Variants in GRAMD1B observed in about 807,000 individuals in gnomAD.
GRAMD1B encodes GRAM domain containing 1B, also known as protein Aster-B.
A neutral mutation model predicts 99.7 loss-of-function variants in GRAMD1B; 37 were observed. That is an observed-to-expected ratio of 0.37 (90% CI 0.29 to 0.49). The LOEUF (loss-of-function observed/expected upper bound fraction) is 0.49. Ranked by LOEUF, GRAMD1B falls within the 20% of genes least tolerant of loss-of-function variation. GRAMD1B has a pLI of 0.98. For synonymous variants in GRAMD1B, 427 were observed against 387.6 expected, an observed-to-expected ratio of 1.10 and a Z score of -1.19; for missense variants, 888 against 1,009.2, an observed-to-expected ratio of 0.88 and a Z score of 1.63.
At chr11:123,427,999 A>C (rs1948712380), upstream of GRAMD1B, among the ~76,000 whole-genome samples, 1 of 152,106 alleles carries the variant, frequency 6.6e-6, no homozygotes, top group Non-Finnish European at 1.5e-5. Flanking sequence ...AACAAACTTA[A>C]AGCTTCCTCC....
rs35731848 is a variant in GRAMD1B at position 123,439,118 on chromosome 11, A to C, written c.374+7952A>C. 4.2e-3 allele frequency among the ~76,000 whole-genome samples: 646 copies of C among 152,104 alleles called. 7 individuals carry two copies. The highest frequency in any genetic ancestry group is 5.1e-3 in the Non-Finnish European group (347 of 67,982). Reference sequence around the variant, plus strand: ...GGTGTGAGGAGGGACATAGCTTCTTATTGTCTTGGGGGGTGGGAATCTATG... The same window carrying C: ...GGTGTGAGGAGGGACATAGCTTCTTCTTGTCTTGGGGGGTGGGAATCTATG... On this transcript the variant is annotated intron_variant, in intron 1 of 19. Transcript: ENST00000635736.
rs149902334 is a variant in GRAMD1B, at chr11:123,595,086, T to C, written c.873+248T>C. ...ACTGGGAACATTTGCTTTTGTCAAA[T>C]GCAGGCAAATATTTGGCATGAGTGA... is the stretch of plus-strand genomic sequence containing the variant. On this transcript the variant is annotated intron_variant, in intron 6 of 19. Transcript: ENST00000635736. Among the ~76,000 whole-genome samples, 628 of 152,040 alleles carry C rather than the reference T, an allele frequency of 4.1e-3. 4 individuals are homozygous for C. Among genetic ancestry groups the C allele is most frequent in the South Asian group, 0.014 (68 of 4,796 alleles).
intron 11 of GRAMD1B, among the ~76,000 whole-genome samples, chr11:123,607,364 C>T (rs1390242941): frequency 1.3e-5 from 2 of 152,198 alleles, no homozygotes; most frequent in Admixed American, 1.3e-4. Context: ...CTGCTGCTTA[C>T]CTTCCATGGA....
intron 3 of GRAMD1B, among the ~76,000 whole-genome samples, chr11:123,581,433 T>C (rs1325770454): frequency 6.6e-6 from 1 of 152,200 alleles, no homozygotes; most frequent in Non-Finnish European, 1.5e-5. Flanking sequence ...CCTGCCCCTG[T>C]GGGTCTGGGT....
intron 2 of GRAMD1B, chr11:123,525,953 A>G (rs1363215639): frequency 6.8e-6 from 4 of 588,984 alleles, no homozygotes; most frequent in South Asian, 2.2e-5. Context: ...CAGCTGGGAG[A>G]GGGGGAAGAA....
At chr11:123,396,226 C>G (rs1329342347) in intron 1 of GRAMD1B, among the ~76,000 whole-genome samples, 1 of 141,700 alleles carries the variant, frequency 7.1e-6, no homozygotes, top group Non-Finnish European at 1.6e-5. Context: ...TGGAAAAGTC[C>G]TCTTGCTGCT....
At position 123,492,041 on chromosome 11, in the gene GRAMD1B, C is replaced by A; in HGVS notation, c.452+11148C>A. 2.5e-6 allele frequency: 1 copy of A among 397,300 alleles called. No individual in the cohort carries two copies. The highest frequency in any genetic ancestry group is 1.3e-4 in the South Asian group (1 of 7,474). The allele number at this position is 397,300 out of a possible 1,614,324, so 24.6% of individuals were successfully genotyped here. On this transcript the variant is annotated intron_variant, in intron 2 of 19. Coordinates refer to ENST00000635736, the MANE Select transcript of GRAMD1B (RefSeq NM_001387025.1). This position sits in a 1 kb window ranked among gnomAD's most constrained non-coding sequence, Gnocchi z 4.2. Reference sequence around the variant, plus strand: ...TTTGGAGATATTGTAGGTCCCTGCCCAAGAGGGACACTCGGTGATCCATTG... The same window carrying A: ...TTTGGAGATATTGTAGGTCCCTGCCAAAGAGGGACACTCGGTGATCCATTG...
chr11:123,419,501 CAT>C (rs1948346610), intron 1 of GRAMD1B, among the ~76,000 whole-genome samples: 2 of 152,266 alleles, frequency 1.3e-5, no homozygotes, highest in Admixed American at 6.5e-5. Context: ...TGTGGTGGCA[CAT>C]GTCTCTAGTC....
At chr11:123,507,616 G>T (rs1940569513) in intron 2 of GRAMD1B, among the ~76,000 whole-genome samples, 1 of 152,186 alleles carries the variant, frequency 6.6e-6, no homozygotes, top group South Asian at 2.1e-4. Flanking sequence ...AGGTGAACAT[G>T]AGTAAATTCA....
chr11:123,446,998 G>A (rs1949675305), intron 1 of GRAMD1B, among the ~76,000 whole-genome samples: 1 of 152,136 alleles, frequency 6.6e-6, no homozygotes, highest in South Asian at 2.1e-4. Context: ...GGAAAGGCAA[G>A]AAAAGATGGT....
intron 11 of GRAMD1B, among the ~76,000 whole-genome samples, chr11:123,607,559 C>A (rs1487712243): frequency 1.3e-5 from 2 of 152,208 alleles, no homozygotes; most frequent in Non-Finnish European, 2.9e-5. Flanking sequence ...CATCTAGAGT[C>A]CAGGGTTGGC....
At chr11:123,413,039 C>T (rs1418060261) in intron 1 of GRAMD1B, among the ~76,000 whole-genome samples, 1 of 152,190 alleles carries the variant, frequency 6.6e-6, no homozygotes, top group Non-Finnish European at 1.5e-5. Flanking sequence ...ACCTCGGCCT[C>T]CCAAAGTGCT....
At chr11:123,558,108 C>T (rs1426997094) in intron 2 of GRAMD1B, among the ~76,000 whole-genome samples, 1 of 151,618 alleles carries the variant, frequency 6.6e-6, no homozygotes, top group East Asian at 1.9e-4. Context: ...CTCAGCCTCC[C>T]GAGTAGCTGG....
intron 6 of GRAMD1B, among the ~76,000 whole-genome samples, chr11:123,595,490 C>A (rs1836230043): frequency 6.6e-6 from 1 of 152,064 alleles, no homozygotes; most frequent in African/African-American, 2.4e-5. Flanking sequence ...GACGGGGTTT[C>A]TCCATGTTGG....
At chr11:123,613,408 TG>T (rs1236255865) in intron 15 of GRAMD1B, 46 bp from the exon 16 acceptor site, 1 of 1,347,054 alleles carries the variant, frequency 7.4e-7, no homozygotes, top group African/African-American at 1.4e-5. Context: ...AGAGTTGCAT[TG>T]GAGGGCTGAA....
Position 123,613,563 on chromosome 11 carries a change from A to T in GRAMD1B, c.2132A>T (p.His711Leu). 3 of 1,613,820 alleles carry T rather than the reference A, an allele frequency of 1.9e-6. No homozygotes were observed. Among genetic ancestry groups the T allele is most frequent in the Non-Finnish European group, 2.5e-6 (3 of 1,179,814 alleles). ...TTTVRRRKRP[H>L]AHLRVPHLEE... ...ACGGTGCGGAGGAGGAAGCGTCCCC[A>T]TGCCCACCTGCGAGTCCCTCACCTG... The change falls in exon 16 of 20, where the codon CAT becomes CTT. Residue 711 changes from histidine to leucine, a missense_variant. By Grantham distance (99) the His-to-Leu change is moderately conservative (BLOSUM62 -3). Coordinates refer to ENST00000635736, the MANE Select transcript of GRAMD1B (RefSeq NM_001387025.1).
chr11:123,583,866 G>T (rs1949742278), intron 3 of GRAMD1B, among the ~76,000 whole-genome samples: 1 of 152,184 alleles, frequency 6.6e-6, no homozygotes, highest in Non-Finnish European at 1.5e-5. Context: ...GTTTTAGGTA[G>T]TCCCCTTTCT....
At chr11:123,459,289 T>G (rs1355154152) in intron 1 of GRAMD1B, 1 of 151,958 alleles carries the variant, frequency 6.6e-6, no homozygotes, top group African/African-American at 2.4e-5. Flanking sequence ...GAGTTTTGCT[T>G]TTGTCACCCA....
intron 2 of GRAMD1B, among the ~76,000 whole-genome samples, chr11:123,568,544 G>A (rs1331928938): frequency 1.3e-5 from 2 of 152,222 alleles, no homozygotes; most frequent in Non-Finnish European, 2.9e-5. Flanking sequence ...TCAAGATGTT[G>A]CCCTTGCAGC....
Sources: allele counts gnomAD v4.1 joint callset (sites outside exome capture counted in the v4.1 genomes callset), GRCh38; gene constraint gnomAD v4.1.1; non-coding constraint Gnocchi (gnomAD v3.1); transcripts MANE v1.5; gene names NCBI Gene and HGNC (gene_info 2026-07-23, HGNC 2026-07-21).